SRPK2: variants seen among roughly 807,000 people sequenced by gnomAD.
SRPK2 encodes the protein SRSF protein kinase 2, also known as SFRS protein kinase 2.
In SRPK2, 21 loss-of-function variants were observed where a neutral mutation model predicts 90.8. The observed-to-expected ratio is 0.23, with a 90% confidence interval of 0.16 to 0.33. The LOEUF is 0.33. Among genes scored for constraint, SRPK2 ranks in the 10% least tolerant of loss-of-function variants. The probability of loss-of-function intolerance (pLI) is 1.00; values close to 1 mark genes in which losing one functional copy is unlikely to be tolerated. For synonymous variants in SRPK2, 288 were observed against 311.1 expected, an observed-to-expected ratio of 0.93 and a Z score of 0.78; for missense variants, 620 against 869.0, an observed-to-expected ratio of 0.71 and a Z score of 3.60.
rs549160753 is a variant in SRPK2 at position 105,119,841 on chromosome 7, A to G, written c.1916-1819T>C. ...TGGCACAAAATTATATGTACTCGCAAAATTACGAAGAGCCAGTAATAGTAA... is the reference window on the plus strand; with the variant it reads ...TGGCACAAAATTATATGTACTCGCAGAATTACGAAGAGCCAGTAATAGTAA... On this transcript the variant is annotated intron_variant, in intron 15 of 15. Coordinates refer to ENST00000393651, the MANE Select transcript of SRPK2 (RefSeq NM_182692.3). Among the ~76,000 whole-genome samples, 20 of 152,370 alleles carry G rather than the reference A, an allele frequency of 1.3e-4. 1 individual carries two copies. The South Asian group carries it at 4.1e-3, about 32-fold the overall frequency.
At chr7:105,222,028 C>T (rs1036783198) in intron 2 of SRPK2, among the ~76,000 whole-genome samples, 2 of 152,170 alleles carry the variant, frequency 1.3e-5, no homozygotes, top group African/African-American at 2.4e-5. Flanking sequence ...TTAGCAGGCA[C>T]TTCATCATAC....
rs538769168 is a variant in SRPK2 at position 105,150,215 on chromosome 7, G to A, written c.622-3557C>T. On this transcript the variant is annotated intron_variant, in intron 7 of 15. Transcript: ENST00000393651. ...TTGGATAATACTGCAATTAGGATAT[G>A]TTTAAATTACATTTAAAATGTCAAG... 6.0e-4 allele frequency among the ~76,000 whole-genome samples: 91 copies of A among 152,332 alleles called. 1 individual carries two copies. The highest frequency in any genetic ancestry group is 1.9e-3 in the African/African-American group (80 of 41,576).
intron 2 of SRPK2, among the ~76,000 whole-genome samples, chr7:105,380,613 T>A (rs1358275147): frequency 2.7e-5 from 4 of 148,552 alleles, no homozygotes; most frequent in Non-Finnish European, 5.9e-5. Flanking sequence ...AAGCTCTGCC[T>A]CCCGGGTTCA....
chr7:105,357,763 TAACAA>T (rs1176596061), intron 2 of SRPK2, among the ~76,000 whole-genome samples: 1 of 136,528 alleles, frequency 7.3e-6, no homozygotes, highest in East Asian at 2.2e-4. Context: ...AAAAAAACAA[TAACAA>T]AACAAAACAA....
intron 7 of SRPK2, among the ~76,000 whole-genome samples, chr7:105,153,804 G>A (rs1806106680): frequency 6.6e-6 from 1 of 152,100 alleles, no homozygotes; most frequent in African/African-American, 2.4e-5. Context: ...GCTGGCAGAG[G>A]AAGGAGGCGA....
chr7:105,359,150 C>CTTTTTTTTTTTTT (rs35765090), intron 2 of SRPK2, among the ~76,000 whole-genome samples: 3 of 54,830 alleles, frequency 5.5e-5, no homozygotes, highest in East Asian at 1.4e-3. Flanking sequence ...CAAACCACAG[C>CTTTTTTTTTTTTT]TTTTTTTTTT....
At chr7:105,154,574 A>G (rs915375059) in intron 7 of SRPK2, among the ~76,000 whole-genome samples, 1 of 152,214 alleles carries the variant, frequency 6.6e-6, no homozygotes, top group African/African-American at 2.4e-5. Context: ...CTCTCGGCAT[A>G]CTAGAGGGTT....
chr7:105,317,010 T>G (rs932136181), intron 2 of SRPK2, among the ~76,000 whole-genome samples: 95 of 152,334 alleles, frequency 6.2e-4, no homozygotes, highest in Admixed American at 5.2e-3. Context: ...CTCATTTGAT[T>G]CTCTTTTTTC....
chr7:105,295,142 G>A (rs2131123877), intron 2 of SRPK2, among the ~76,000 whole-genome samples: 1 of 151,816 alleles, frequency 6.6e-6, no homozygotes, highest in East Asian at 1.9e-4. Flanking sequence ...AACCCAGGAG[G>A]CAGAGGCTGC....
chr7:105,342,023 G>C (rs533605052), intron 2 of SRPK2, among the ~76,000 whole-genome samples: 1 of 151,784 alleles, frequency 6.6e-6, no homozygotes, highest in African/African-American at 2.4e-5. Context: ...CAGCACTTGG[G>C]GAGGCCAAGG....
At position 105,159,953 on chromosome 7, in the gene SRPK2, G is replaced by C. The variant is rs1296054657; in HGVS notation, c.621+554C>G. On this transcript the variant is annotated intron_variant, in intron 7 of 15. Transcript: ENST00000393651. ...TTAACCTAACCCAGTATGACATATA[G>C]ACTCTGTGTGTGTGTACATGATGAG... Among the ~76,000 whole-genome samples, 3 of 152,138 alleles carry C rather than the reference G, an allele frequency of 2.0e-5. No homozygotes were observed. The East Asian group carries it at 5.8e-4, about 29-fold the overall frequency.
chr7:105,389,013 C>A (rs1431610528), upstream of SRPK2: 12 of 987,152 alleles, frequency 1.2e-5, no homozygotes, highest in African/African-American at 2.2e-4. Context: ...CCGCCGGCCC[C>A]GGGGGTCGGG....
At chr7:105,247,445 C>T (rs1801817371) in intron 2 of SRPK2, among the ~76,000 whole-genome samples, 1 of 151,666 alleles carries the variant, frequency 6.6e-6, no homozygotes, top group Non-Finnish European at 1.5e-5. Context: ...TTAAGTACAT[C>T]ACTGATGATC....
At chr7:105,118,208 TTTCAAG>T (rs1332385555) in intron 15 of SRPK2, among the ~76,000 whole-genome samples, 186 bp from the exon 16 acceptor site, 1 of 152,218 alleles carries the variant, frequency 6.6e-6, no homozygotes, top group African/African-American at 2.4e-5. Flanking sequence ...CCAAGGCATA[TTTCAAG>T]TAAGCCTGGT....
At chr7:105,219,002 C>A (rs970015968) in intron 2 of SRPK2, among the ~76,000 whole-genome samples, 1 of 151,868 alleles carries the variant, frequency 6.6e-6, no homozygotes, top group African/African-American at 2.4e-5. Flanking sequence ...CAGCTATAAG[C>A]AAAAGTGGCC....
chr7:105,185,129 A>G (rs1212809857), intron 3 of SRPK2, among the ~76,000 whole-genome samples: 2 of 152,128 alleles, frequency 1.3e-5, no homozygotes, highest in African/African-American at 4.8e-5. Flanking sequence ...TGTATAATAT[A>G]TTGAATTATG....
chr7:105,157,268 G>A (rs998040669), intron 7 of SRPK2, among the ~76,000 whole-genome samples: 2 of 152,190 alleles, frequency 1.3e-5, no homozygotes, highest in African/African-American at 2.4e-5. Flanking sequence ...TAAGGAGAAT[G>A]ACTGGAACAT....
intron 2 of SRPK2, among the ~76,000 whole-genome samples, chr7:105,223,475 C>A (rs897980775): frequency 3.3e-5 from 5 of 152,210 alleles, no homozygotes; most frequent in African/African-American, 1.2e-4. Context: ...CTTGTGTCTT[C>A]TACCCTATAA....
intron 2 of SRPK2, among the ~76,000 whole-genome samples, chr7:105,274,186 G>A (rs1245573365): frequency 1.3e-5 from 2 of 152,054 alleles, no homozygotes; most frequent in African/African-American, 4.8e-5. Context: ...ATACAAGTAT[G>A]TTTTATCTAA....
Sources: gnomAD v4.1 joint callset for allele counts (sites outside exome capture counted in the v4.1 genomes callset) on GRCh38, gnomAD v4.1.1 for gene constraint, MANE v1.5 for transcripts, NCBI Gene and HGNC (gene_info 2026-07-23, HGNC 2026-07-21) for gene names.